The following PDE5A variants were observed in gnomAD, a reference collection of about 807,000 sequenced individuals.
The protein encoded by PDE5A is cGMP-specific 3',5'-cyclic phosphodiesterase.
A neutral mutation model predicts 110.2 loss-of-function variants in PDE5A; 67 were observed. The ratio of observed to expected loss-of-function variants is 0.61; its 90% CI spans 0.50 to 0.75. PDE5A has a LOEUF of 0.75. PDE5A is among the 30% of genes least tolerant of loss of function. PDE5A has a pLI of 0.00. For missense variants in PDE5A, 862 were observed against 1,045.1 expected (o/e 0.82, Z 2.42); for synonymous variants, 328 against 351.2 (o/e 0.93, Z 0.74).
intron 3 of PDE5A, among the ~76,000 whole-genome samples, chr4:119,593,015 C>A (rs954669012): frequency 6.6e-6 from 1 of 151,962 alleles, no homozygotes; most frequent in Non-Finnish European, 1.5e-5. Flanking sequence ...GTTACATATT[C>A]ATGTAATGAA....
chr4:119,542,396 G>A (rs1726961511), intron 10 of PDE5A, 63 bp downstream of exon 10: 2 of 1,473,186 alleles, frequency 1.4e-6, no homozygotes, highest in Non-Finnish European at 1.9e-6. Flanking sequence ...GAGTGATTAT[G>A]AGGGAAAGGT....
chr4:119,501,045 C>G (rs1000978510), intron 20 of PDE5A, 125 bp downstream of exon 20: 1 of 612,066 alleles, frequency 1.6e-6, no homozygotes, highest in African/African-American at 1.9e-5. Context: ...AGAAACCATA[C>G]TGCTAATAAT....
chr4:119,546,440 CT>C (rs1372993646), intron 9 of PDE5A, among the ~76,000 whole-genome samples: 1 of 152,030 alleles, frequency 6.6e-6, no homozygotes, highest in Non-Finnish European at 1.5e-5. Context: ...TACATTTAGA[CT>C]TTCTGTTCTG....
In PDE5A at chr4:119,563,993, A is replaced by T. The variant is rs77000503; in HGVS notation, c.994-1023T>A. 1.3e-3 allele frequency among the ~76,000 whole-genome samples: 193 copies of T among 152,100 alleles called. 6 individuals carry two copies. In the East Asian group the frequency reaches 0.035, roughly 28 times the overall value. On this transcript the variant is annotated intron_variant, in intron 5 of 20. Transcript: ENST00000354960. Reference sequence around the variant, plus strand: ...AAGTAAACAGTTTGCTTAAACCTCCAAAGAGATGAACCAACATACAGATAC... The same window carrying T: ...AAGTAAACAGTTTGCTTAAACCTCCTAAGAGATGAACCAACATACAGATAC...
chr4:119,582,807 G>C (rs1728631720), intron 3 of PDE5A, among the ~76,000 whole-genome samples: 1 of 152,210 alleles, frequency 6.6e-6, no homozygotes, highest in South Asian at 2.1e-4. Context: ...TATTTTGAAA[G>C]AAATCATTTT....
At chr4:119,528,046 T>C (rs1726389979) in intron 11 of PDE5A, among the ~76,000 whole-genome samples, 1 of 111,480 alleles carries the variant, frequency 9.0e-6, no homozygotes, top group East Asian at 3.1e-4. Flanking sequence ...TAACCAAATA[T>C]GGAATGCAAA....
Position 119,606,969 on chromosome 4 carries a change from T to C in PDE5A, c.481A>G (p.Ser161Gly). ...CATAAGGCTGTGACATCCAAATGAC[T>C]AGAAATATCCTTCACTAATTCCAAG... The part of the protein sequence containing the change: ...RLLELVKDIS[S>G]HLDVTALCHK... Residue 161 changes from serine to glycine, a missense_variant, in exon 2 of 21, where the codon AGT (serine) becomes GGT (glycine). Physicochemically the swap from Ser to Gly is moderately conservative, Grantham distance 56. Coordinates refer to ENST00000354960, the MANE Select transcript of PDE5A (RefSeq NM_001083.4). The C allele has an allele frequency of 1.2e-6, 2 of 1,614,192 alleles. No homozygotes were observed. Among genetic ancestry groups the C allele is most frequent in the Non-Finnish European group, 1.7e-6 (2 of 1,180,022 alleles).
Position 119,496,639 on chromosome 4 carries a change from A to G in PDE5A, c.*1962T>C, listed in dbSNP as rs201498632. On this transcript the variant is annotated 3_prime_UTR_variant, in exon 21 of 21. Coordinates refer to ENST00000354960, the MANE Select transcript of PDE5A (RefSeq NM_001083.4). Reference sequence around the variant, plus strand: ...ATTTTAGCATAACTGCTAAATCACAATGTAATAAAAAGGTTTATTAAAGAT... The same window carrying G: ...ATTTTAGCATAACTGCTAAATCACAGTGTAATAAAAAGGTTTATTAAAGAT... 4.6e-5 allele frequency: 7 copies of G among 152,588 alleles called. No individual in the cohort carries two copies. The highest frequency in any genetic ancestry group is 1.0e-4 in the Non-Finnish European group (7 of 68,006). The allele number at this position is 152,588 out of a possible 1,614,324, so 9.5% of individuals were successfully genotyped here.
intron 1 of PDE5A, among the ~76,000 whole-genome samples, chr4:119,626,542 G>C (rs1178169995): frequency 6.6e-6 from 1 of 152,146 alleles, no homozygotes; most frequent in Non-Finnish European, 1.5e-5. Flanking sequence ...CTGGTTCTCT[G>C]GCCCCCTGAT....
intron 7 of PDE5A, among the ~76,000 whole-genome samples, chr4:119,559,471 A>C (rs535098861): frequency 6.6e-6 from 1 of 152,290 alleles, no homozygotes; most frequent in African/African-American, 2.4e-5. Context: ...TAAATATATA[A>C]ACAGAGATGC....
chr4:119,572,705 T>G (rs1728184862), intron 3 of PDE5A, among the ~76,000 whole-genome samples: 1 of 152,226 alleles, frequency 6.6e-6, no homozygotes, highest in East Asian at 1.9e-4. Flanking sequence ...ACCCCCCAAA[T>G]TTCAGATTTT....
At chr4:119,612,411 C>G (rs977610614) in intron 1 of PDE5A, among the ~76,000 whole-genome samples, 1 of 152,204 alleles carries the variant, frequency 6.6e-6, no homozygotes, top group Non-Finnish European at 1.5e-5. Context: ...TGTTCTCATT[C>G]TTGCTCCTGC....
Position 119,507,605 on chromosome 4 carries a change from T to G in PDE5A, c.2188A>C (p.Lys730Gln). 1 of 1,543,416 alleles carries G rather than the reference T, an allele frequency of 6.5e-7. No homozygotes were observed. The highest frequency in any genetic ancestry group is 8.8e-7 in the Non-Finnish European group (1 of 1,138,046). ...ILATDLALYIKRRGEFFELIR... is the reference protein window; with the variant it reads ...ILATDLALYIQRRGEFFELIR... ...CTCAGGTTATTTCTTAAAACTTACT[T>G]AATGTACAGTGCTAGGTCTGTAGCT... The change falls in exon 16 of 21, where the codon AAG (lysine) becomes CAG (glutamine). Residue 730 changes from lysine to glutamine, a missense_variant and splice_region_variant. Physicochemically the swap from Lys to Gln is moderately conservative, Grantham distance 53. Coordinates refer to ENST00000354960, the MANE Select transcript of PDE5A (RefSeq NM_001083.4).
chr4:119,540,230 G>A (rs1357887762), intron 10 of PDE5A, among the ~76,000 whole-genome samples: 1 of 151,936 alleles, frequency 6.6e-6, no homozygotes, highest in Non-Finnish European at 1.5e-5. Flanking sequence ...TTTAAATGGT[G>A]AGTAAAGTAA....
intron 18 of PDE5A, among the ~76,000 whole-genome samples, chr4:119,503,802 T>G (rs1725459037): frequency 6.6e-6 from 1 of 152,138 alleles, no homozygotes; most frequent in Non-Finnish European, 1.5e-5. Flanking sequence ...TCTTAATATA[T>G]CTTACAAATA....
chr4:119,612,045 T>C (rs1049504551), intron 1 of PDE5A, among the ~76,000 whole-genome samples: 5 of 152,232 alleles, frequency 3.3e-5, no homozygotes, highest in Non-Finnish European at 7.3e-5. Flanking sequence ...CACCTGCAAA[T>C]TGAAATTAAA....
Position 119,562,937 on chromosome 4 carries a change from C to A in PDE5A, c.1027G>T (p.Glu343Ter), listed in dbSNP as rs1485657832. 8 of 1,598,002 alleles carry A rather than the reference C, an allele frequency of 5.0e-6. No homozygotes were observed. Among genetic ancestry groups the A allele is most frequent in the Non-Finnish European group, 3.4e-6 (4 of 1,174,572 alleles). ...LLDLASLIFEEQQSLEVILKK... is the reference protein window; with the variant it reads ...LLDLASLIFE ...AAAATTACTTCTAATGATTGTTGTT[C>A]TTCAAAAATTAAACTAGCAAGGTCA... The change falls in exon 6 of 21, where the codon GAA (glutamate) becomes TAA (stop). Residue 343 changes from glutamate (E) to a stop codon, truncating the protein, a stop_gained. Coordinates refer to ENST00000354960, the MANE Select transcript of PDE5A (RefSeq NM_001083.4). LOFTEE classifies it high-confidence loss of function.
intron 1 of PDE5A, among the ~76,000 whole-genome samples, chr4:119,626,794 G>C (rs780696592): frequency 2.0e-5 from 3 of 152,156 alleles, no homozygotes; most frequent in Non-Finnish European, 4.4e-5. Context: ...GTGAAAGCGG[G>C]GGAAGACGAT....
At chr4:119,538,898 C>T (rs910442122) in intron 11 of PDE5A, 62 bp downstream of exon 11, 7 of 1,185,314 alleles carry the variant, frequency 5.9e-6, no homozygotes, top group Non-Finnish European at 8.9e-6. Context: ...TAAATATTTA[C>T]CAAATTTGGT....
Sources: gnomAD v4.1 joint callset for allele counts (sites outside exome capture counted in the v4.1 genomes callset) on GRCh38, gnomAD v4.1.1 for gene constraint, MANE v1.5 for transcripts, NCBI Gene and HGNC (gene_info 2026-07-23, HGNC 2026-07-21) for gene names.